Variants in CEP250 observed in about 807,000 individuals in gnomAD.
CEP250 encodes centrosome-associated protein CEP250.
Under a neutral mutation model 315.7 loss-of-function variants are expected in CEP250, and 242 were observed. That is an observed-to-expected ratio of 0.77 (90% CI 0.69 to 0.85). The LOEUF is 0.85. Ranked by LOEUF, CEP250 falls within the 40% of genes least tolerant of loss-of-function variation. The pLI, the probability that CEP250 is intolerant of heterozygous loss-of-function variation, is 0.00. For synonymous variants in CEP250, 1,088 were observed against 1,175.0 expected, an observed-to-expected ratio of 0.93 and a Z score of 1.51; for missense variants, 2,515 against 2,886.4, an observed-to-expected ratio of 0.87 and a Z score of 2.95.
chr20:35,491,554 A>G (rs529996860), intron 22 of CEP250, among the ~76,000 whole-genome samples: 1 of 152,264 alleles, frequency 6.6e-6, no homozygotes, highest in East Asian at 1.9e-4. Context: ...GGATCACCTA[A>G]GGTCAGGAGT....
intron 30 of CEP250, among the ~76,000 whole-genome samples, chr20:35,505,701 C>T (rs192627475): frequency 2.7e-5 from 4 of 150,118 alleles, no homozygotes; most frequent in Non-Finnish European, 5.9e-5. Context: ...AAGGAACTAG[C>T]CAAGCACAGG....
intron 25 of CEP250, among the ~76,000 whole-genome samples, 175 bp downstream of exon 25, chr20:35,496,890 G>A (rs375356522): frequency 1.4e-4 from 21 of 152,276 alleles, no homozygotes; most frequent in Admixed American, 3.9e-4. Context: ...TAGACAAGGC[G>A]GGGGCTTGGG....
intron 29 of CEP250, 145 bp from the exon 30 acceptor site, chr20:35,502,245 C>A: frequency 1.3e-6 from 1 of 763,062 alleles, no homozygotes; most frequent in Non-Finnish European, 2.1e-6. Context: ...TTTACAGTAT[C>A]AGCTTAAGTG....
At chr20:35,499,228 T>G (rs2063933474) in intron 27 of CEP250, among the ~76,000 whole-genome samples, 3 of 152,200 alleles carry the variant, frequency 2.0e-5, no homozygotes, top group Admixed American at 2.0e-4. Context: ...TGAGCCAAGA[T>G]TGTGCCATTG....
rs1318845855 is a variant in CEP250 at position 35,479,329 on chromosome 20, G to C, written c.2193G>C (p.Lys731Asn). Residue 731 changes from lysine (K) to asparagine (N), a missense_variant, in exon 18 of 35, where the codon AAG becomes AAC. Transcript: ENST00000397527. ...TGCTTGCCAGGGCAGTCCAGGAGAAGGAGGCCCTAGTACGAGAGAAAGCGG... is the reference window on the plus strand; with the variant it reads ...TGCTTGCCAGGGCAGTCCAGGAGAACGAGGCCCTAGTACGAGAGAAAGCGG... Reference protein sequence around the residue: ...EEVLARAVQEKEALVREKAAL... With the variant: ...EEVLARAVQENEALVREKAAL... The C allele has an allele frequency of 6.2e-7, 1 of 1,614,230 alleles. No individual in the cohort carries two copies. The highest frequency in any genetic ancestry group is 1.7e-5 in the Admixed American group (1 of 60,018).
intron 25 of CEP250, 42 bp from the exon 26 acceptor site, chr20:35,497,677 A>G (rs375557079): frequency 5.3e-5 from 75 of 1,405,042 alleles, no homozygotes; most frequent in African/African-American, 4.7e-4. Context: ...AGGAGAGGGT[A>G]TCCGCTTCCT....
In CEP250 at chr20:35,497,977, C is replaced by G. The variant is rs560086117; in HGVS notation, c.3565C>G (p.Leu1189Val). 1.6e-5 allele frequency: 26 copies of G among 1,613,442 alleles called. 1 individual carries two copies. The highest frequency in any genetic ancestry group is 2.0e-5 in the Non-Finnish European group (24 of 1,179,816). The change falls in exon 26 of 35, where the codon CTG (leucine) becomes GTG (valine). Residue 1189 changes from leucine to valine, a missense_variant. By Grantham distance (32) the Leu-to-Val change is conservative (BLOSUM62 1). Transcript: ENST00000397527. ...CCAGCTGGCCAGCCTCTACTCTGCC[C>G]TGCAGCAGGCCCTGGGGTCTGTTTG... The part of the protein sequence containing the change: ...QAQLASLYSA[L>V]QQALGSVCES...
intron 20 of CEP250, among the ~76,000 whole-genome samples, chr20:35,483,456 G>A (rs1391142919): frequency 6.6e-6 from 1 of 151,538 alleles, no homozygotes; most frequent in Non-Finnish European, 1.5e-5. Context: ...GAGCTCAAGT[G>A]AGTCCTCCTG....
intron 26 of CEP250, 114 bp from the exon 27 acceptor site, chr20:35,498,481 G>T: frequency 7.9e-7 from 1 of 1,273,630 alleles, no homozygotes; most frequent in Non-Finnish European, 1.1e-6. Flanking sequence ...GCTGAGAAAG[G>T]GGTTCTTTGC....
chr20:35,494,895 A>G (rs1369274045), intron 24 of CEP250, among the ~76,000 whole-genome samples: 4 of 152,220 alleles, frequency 2.6e-5, no homozygotes, highest in African/African-American at 9.7e-5. Flanking sequence ...ACAGTGATAA[A>G]CAAGACTGTA....
chr20:35,484,894 A>G (rs1302343024), intron 20 of CEP250, among the ~76,000 whole-genome samples: 3 of 152,152 alleles, frequency 2.0e-5, no homozygotes, highest in Non-Finnish European at 4.4e-5. Flanking sequence ...AGATACTGAA[A>G]TGAGAATTTC....
intron 20 of CEP250, among the ~76,000 whole-genome samples, chr20:35,482,003 C>CT (rs1475253903): frequency 6.6e-6 from 1 of 151,632 alleles, no homozygotes; most frequent in African/African-American, 2.4e-5. Context: ...GTCCAGCCTA[C>CT]TTTTATTCTT....
intron 3 of CEP250, among the ~76,000 whole-genome samples, chr20:35,461,601 A>G (rs554640346): frequency 6.6e-6 from 1 of 152,318 alleles, no homozygotes; most frequent in Non-Finnish European, 1.5e-5. Flanking sequence ...TTTGTCAGAT[A>G]GACTACTTGT....
intron 28 of CEP250, among the ~76,000 whole-genome samples, chr20:35,500,421 C>T (rs1044819771): frequency 2.0e-5 from 3 of 152,162 alleles, no homozygotes; most frequent in Admixed American, 6.5e-5. Flanking sequence ...TTAATAAAGA[C>T]GGGGTTTCAC....
chr20:35,485,204 CTCTACTAAGAATACAAAAATA>C (rs2063474382), intron 20 of CEP250, among the ~76,000 whole-genome samples: 1 of 152,066 alleles, frequency 6.6e-6, no homozygotes, highest in African/African-American at 2.4e-5. Context: ...GAAACTCCAT[CTCTACTAAGAATACAAAAATA>C]TTAGCCGGGT....
Position 35,504,560 on chromosome 20 carries a change from C to G in CEP250, c.6191C>G (p.Ser2064Cys). The G allele has an allele frequency of 6.2e-7, 1 of 1,614,126 alleles. No individual in the cohort carries two copies. The highest frequency in any genetic ancestry group is 8.5e-7 in the Non-Finnish European group (1 of 1,179,996). The change falls in exon 30 of 35, where the codon TCT (serine) becomes TGT (cysteine). Residue 2064 changes from serine to cysteine, a missense_variant. Transcript: ENST00000397527. Reference sequence around the variant, plus strand: ...GAACGGGAGCAGCTGCTGGAGAAGTCTCTGGCCCAGAGGGTCCAAGAGAAT... The same window carrying G: ...GAACGGGAGCAGCTGCTGGAGAAGTGTCTGGCCCAGAGGGTCCAAGAGAAT... The part of the protein sequence containing the change: ...QQEREQLLEK[S>C]LAQRVQENMI...
chr20:35,494,402 G>A, intron 23 of CEP250, 122 bp from the exon 24 acceptor site: 3 of 1,284,228 alleles, frequency 2.3e-6, no homozygotes, highest in South Asian at 2.8e-5. Flanking sequence ...AGAATCGCCA[G>A]AGCATTGGAA....
Position 35,498,076 on chromosome 20 carries a change from G to C in CEP250, c.3655+9G>C. On this transcript the variant is annotated intron_variant, in intron 26 of 34. Coordinates refer to ENST00000397527, the MANE Select transcript of CEP250 (RefSeq NM_007186.6). ...CTGGGGCCTTGAGCCAGGTGAGACA[G>C]CCTCCCCAGAACTAGGTCCTTTGGG... is the stretch of plus-strand genomic sequence containing the variant. The C allele has an allele frequency of 1.3e-6, 2 of 1,544,904 alleles. No individual in the cohort carries two copies. The highest frequency in any genetic ancestry group is 1.7e-6 in the Non-Finnish European group (2 of 1,144,982).
rs1258094820 is a variant in CEP250 at position 35,470,702 on chromosome 20, G to A, written c.948+716G>A. Among the ~76,000 whole-genome samples, 5 of 152,322 alleles carry A rather than the reference G, an allele frequency of 3.3e-5. No individual in the cohort carries two copies. The East Asian group carries it at 5.8e-4, about 18-fold the overall frequency. ...TGGGAGGTGGAGGTTGTGGTGAGCC[G>A]AGGTTATGCCATTGCACTACAGCCT... On this transcript the variant is annotated intron_variant, in intron 10 of 34. Coordinates refer to ENST00000397527, the MANE Select transcript of CEP250 (RefSeq NM_007186.6).
Sources: allele counts gnomAD v4.1 joint callset (sites outside exome capture counted in the v4.1 genomes callset), GRCh38; gene constraint gnomAD v4.1.1; transcripts MANE v1.5; gene names NCBI Gene and HGNC (gene_info 2026-07-23, HGNC 2026-07-21).